The following PTPRD variants were observed in gnomAD, a reference collection of about 807,000 sequenced individuals.
PTPRD encodes receptor-type tyrosine-protein phosphatase delta.
In PTPRD, 34 loss-of-function variants were observed where a neutral mutation model predicts 214.5. The ratio of observed to expected loss-of-function variants is 0.16; its 90% CI spans 0.12 to 0.21. The LOEUF is 0.21. PTPRD is among the 10% of genes least tolerant of loss of function. The pLI is 1.00. For missense variants in PTPRD, 2,545 were observed against 2,398.7 expected, an observed-to-expected ratio of 1.06 and a Z score of -1.27; for synonymous variants, 1,128 against 845.7, an observed-to-expected ratio of 1.33 and a Z score of -5.79.
chr9:8,352,554 C>G (rs2075806915), intron 39 of PTPRD, among the ~76,000 whole-genome samples: 1 of 152,056 alleles, frequency 6.6e-6, no homozygotes, highest in East Asian at 1.9e-4. Context: ...ACTGCTCAAC[C>G]CAAAGGAAGT....
intron 43 of PTPRD, among the ~76,000 whole-genome samples, chr9:8,337,082 G>T (rs1477758572): frequency 6.6e-6 from 1 of 152,112 alleles, no homozygotes. Flanking sequence ...ATTTGACCCA[G>T]CAATCCCATT....
intron 9 of PTPRD, among the ~76,000 whole-genome samples, chr9:9,228,234 T>A (rs1207279551): frequency 6.6e-6 from 1 of 152,158 alleles, no homozygotes; most frequent in African/African-American, 2.4e-5. Flanking sequence ...GCAGGAATAT[T>A]CATAAGAATT....
At chr9:9,878,668 G>A (rs2067647222) in intron 5 of PTPRD, among the ~76,000 whole-genome samples, 1 of 152,128 alleles carries the variant, frequency 6.6e-6, no homozygotes, top group African/African-American at 2.4e-5. Flanking sequence ...TTTTCAAATA[G>A]CATTGTTAGA....
At chr9:8,977,221 C>T (rs560810082) in intron 11 of PTPRD, among the ~76,000 whole-genome samples, 116 of 152,168 alleles carry the variant, frequency 7.6e-4, no homozygotes, top group African/African-American at 2.6e-3. Flanking sequence ...GACTAATTTA[C>T]CGTCTTCAAA....
intron 9 of PTPRD, among the ~76,000 whole-genome samples, chr9:9,259,163 T>C (rs1247210178): frequency 6.6e-6 from 1 of 151,744 alleles, no homozygotes; most frequent in Non-Finnish European, 1.5e-5. Context: ...GACATGAAAA[T>C]AGCTTGGCAA....
chr9:9,277,327 A>G (rs980775350), intron 9 of PTPRD, among the ~76,000 whole-genome samples: 1 of 151,388 alleles, frequency 6.6e-6, no homozygotes, highest in African/African-American at 2.4e-5. Context: ...AGGAAGCTTC[A>G]TATATTCAGG....
chr9:8,913,740 T>C (rs1177981898), intron 11 of PTPRD, among the ~76,000 whole-genome samples: 1 of 152,116 alleles, frequency 6.6e-6, no homozygotes, highest in Admixed American at 6.6e-5. Context: ...AGTGAAGAAA[T>C]TCATGCTATC....
chr9:9,665,797 A>C (rs191136318), intron 7 of PTPRD, among the ~76,000 whole-genome samples: 1 of 152,070 alleles, frequency 6.6e-6, no homozygotes, highest in Non-Finnish European at 1.5e-5. Flanking sequence ...CCTTCACAGT[A>C]CTGAGGTAAA....
At chr9:8,725,362 AT>A (rs1436428677) in intron 12 of PTPRD, among the ~76,000 whole-genome samples, 2 of 152,170 alleles carry the variant, frequency 1.3e-5, no homozygotes, top group Non-Finnish European at 2.9e-5. Flanking sequence ...TTTAATCCAC[AT>A]TTTATCCTCA....
At chr9:8,633,611 T>C (rs2096326890) in intron 13 of PTPRD, among the ~76,000 whole-genome samples, 153 bp from the exon 14 acceptor site, 1 of 152,106 alleles carries the variant, frequency 6.6e-6, no homozygotes, top group East Asian at 1.9e-4. Context: ...AAAAAATATT[T>C]GGTCTAATTT....
At chr9:10,400,782 T>C (rs1587307604) in intron 2 of PTPRD, among the ~76,000 whole-genome samples, 2 of 151,760 alleles carry the variant, frequency 1.3e-5, no homozygotes, top group East Asian at 3.9e-4. Context: ...TTTAAAATTA[T>C]ATATTATTGT....
intron 7 of PTPRD, among the ~76,000 whole-genome samples, chr9:9,701,833 T>A (rs545746911): frequency 1.3e-5 from 2 of 152,136 alleles, no homozygotes; most frequent in East Asian, 3.9e-4. Context: ...AAAACTAAAG[T>A]ATTGGCCAGG....
intron 35 of PTPRD, among the ~76,000 whole-genome samples, chr9:8,425,835 A>C (rs562247147): frequency 1.2e-4 from 18 of 152,210 alleles, no homozygotes; most frequent in African/African-American, 1.7e-4. Context: ...GTCTAGGGGC[A>C]TTAAAACTAG....
At chr9:8,497,999 G>C (rs1346606308) in intron 25 of PTPRD, among the ~76,000 whole-genome samples, 1 of 152,044 alleles carries the variant, frequency 6.6e-6, no homozygotes, top group African/African-American at 2.4e-5. Flanking sequence ...TTTATACTAC[G>C]ATAACTTTCT....
chr9:9,707,305 G>T (rs2097641596), intron 7 of PTPRD, among the ~76,000 whole-genome samples: 1 of 151,986 alleles, frequency 6.6e-6, no homozygotes, highest in Admixed American at 6.6e-5. Flanking sequence ...ATCTATTTTG[G>T]GGCCTTAGAG....
chr9:10,449,188 T>C (rs373685507), intron 2 of PTPRD, among the ~76,000 whole-genome samples: 7,430 of 151,416 alleles, frequency 0.049, 660 homozygotes, highest in African/African-American at 0.16. Flanking sequence ...TGCGGGCGGG[T>C]GCCGCCACGC....
intron 2 of PTPRD, among the ~76,000 whole-genome samples, chr9:10,392,587 T>C (rs2098089454): frequency 6.6e-6 from 1 of 151,832 alleles, no homozygotes; most frequent in South Asian, 2.1e-4. Flanking sequence ...CTTCAAATAA[T>C]ACACTGAGGA....
chr9:9,390,168 G>A lies in PTPRD; in HGVS notation c.-203+7281C>T, dbSNP rs552359318. On this transcript the variant is annotated intron_variant, in intron 9 of 45. Transcript: ENST00000381196. ...TGGTTGGGGATTCCTGGGACAGCGG[G>A]GAAGCCGGATTATCTTAAGCAAGTG... 2.6e-4 allele frequency among the ~76,000 whole-genome samples: 39 copies of A among 152,178 alleles called. 1 individual carries two copies. Among genetic ancestry groups the A allele is most frequent in the Non-Finnish European group, 5.6e-4 (38 of 68,012 alleles).
intron 4 of PTPRD, among the ~76,000 whole-genome samples, chr9:10,023,626 T>G (rs1297352490): frequency 1.3e-5 from 2 of 152,008 alleles, no homozygotes; most frequent in Non-Finnish European, 2.9e-5. Flanking sequence ...GAACTATTTT[T>G]TTTTTTCTAA....
Sources: gnomAD v4.1 joint callset for allele counts (sites outside exome capture counted in the v4.1 genomes callset) on GRCh38, gnomAD v4.1.1 for gene constraint, MANE v1.5 for transcripts, NCBI Gene and HGNC (gene_info 2026-07-23, HGNC 2026-07-21) for gene names.